Variants in RGS6 observed in about 807,000 individuals in gnomAD.
RGS6 encodes the protein regulator of G-protein signaling 6.
In RGS6, 30 loss-of-function variants were observed where a neutral mutation model predicts 78.5. That is an observed-to-expected ratio of 0.38 (90% CI 0.29 to 0.52). RGS6 has a LOEUF of 0.52. RGS6 is among the 20% of genes least tolerant of loss of function. The pLI, the probability that RGS6 is intolerant of heterozygous loss-of-function variation, is 0.85. For missense variants in RGS6, 495 were observed against 609.7 expected (o/e 0.81, Z 1.98); for synonymous variants, 206 against 206.0 (o/e 1.00, Z 0.00).
chr14:72,412,999 A>G (rs887384708), intron 3 of RGS6, among the ~76,000 whole-genome samples: 1 of 152,176 alleles, frequency 6.6e-6, no homozygotes, highest in African/African-American at 2.4e-5. Context: ...TATGTGGTCA[A>G]TTTTGAAATA....
chr14:72,230,122 G>A (rs2049181831), intron 2 of RGS6, among the ~76,000 whole-genome samples: 1 of 152,220 alleles, frequency 6.6e-6, no homozygotes, highest in Admixed American at 6.5e-5. Flanking sequence ...AGGGAAGAAA[G>A]AGTTTTTCAA....
At chr14:72,227,850 G>T (rs2048496013) in intron 2 of RGS6, among the ~76,000 whole-genome samples, 1 of 152,152 alleles carries the variant, frequency 6.6e-6, no homozygotes, top group African/African-American at 2.4e-5. Context: ...ATGTTTGGGG[G>T]TCCCAGAGCA....
At chr14:72,504,328 C>T (rs1018453298) in intron 13 of RGS6, among the ~76,000 whole-genome samples, 3 of 152,160 alleles carry the variant, frequency 2.0e-5, no homozygotes, top group African/African-American at 4.8e-5. Context: ...CTTTAAGTCA[C>T]GTTTTACTAT....
intron 2 of RGS6, among the ~76,000 whole-genome samples, chr14:72,247,268 TAG>T (rs1291069665): frequency 2.6e-5 from 4 of 152,194 alleles, no homozygotes; most frequent in Non-Finnish European, 5.9e-5. Context: ...AAGTTGGGGT[TAG>T]CCTTATATTT....
Position 72,476,788 on chromosome 14 carries a change from A to G in RGS6, c.740A>G (p.His247Arg). The change falls in exon 11 of 18, where the codon CAT (histidine) becomes CGT (arginine). Residue 247 changes from histidine to arginine, a missense_variant. His to Arg is a conservative substitution (Grantham distance 29, BLOSUM62 0). Transcript: ENST00000553525. ...TEESQAQSPV[H>R]VLSQPIRKTT... The stretch of plus-strand genomic sequence containing the variant: ...GAGTCCCAGGCACAGAGCCCGGTGC[A>G]TGTACTCAGCCAACCAATCAGGAAA... 2 of 1,614,202 alleles carry G rather than the reference A, an allele frequency of 1.2e-6. No individual in the cohort carries two copies. The highest frequency in any genetic ancestry group is 1.1e-5 in the South Asian group (1 of 91,074).
intron 12 of RGS6, among the ~76,000 whole-genome samples, chr14:72,491,995 C>T (rs189017315): frequency 2.0e-4 from 30 of 152,274 alleles, no homozygotes; most frequent in Admixed American, 1.8e-3. Flanking sequence ...GCCACATACG[C>T]TCAGATCTCA....
At chr14:71,961,438 C>T (rs2093190777) in intron 1 of RGS6, among the ~76,000 whole-genome samples, 2 of 152,128 alleles carry the variant, frequency 1.3e-5, no homozygotes, top group Admixed American at 1.3e-4. Context: ...GATACCAGGA[C>T]TCCTAGTTCA....
chr14:72,283,664 A>G (rs1239265420), intron 2 of RGS6, among the ~76,000 whole-genome samples: 1 of 152,154 alleles, frequency 6.6e-6, no homozygotes, highest in Non-Finnish European at 1.5e-5. Context: ...TTTATAAATT[A>G]CCCAGTCTCA....
chr14:72,415,625 G>C (rs139912473), intron 3 of RGS6, among the ~76,000 whole-genome samples: 1 of 152,180 alleles, frequency 6.6e-6, no homozygotes, highest in Non-Finnish European at 1.5e-5. Flanking sequence ...CATCTTCTGC[G>C]CTGGTCATGC....
intron 15 of RGS6, among the ~76,000 whole-genome samples, chr14:72,526,886 C>A (rs1245977035): frequency 6.6e-6 from 1 of 152,234 alleles, no homozygotes; most frequent in Non-Finnish European, 1.5e-5. Context: ...CCTGCAAGAA[C>A]CGTGCTGAAG....
intron 2 of RGS6, among the ~76,000 whole-genome samples, chr14:72,193,582 G>A (rs558551982): frequency 1.3e-5 from 2 of 152,254 alleles, no homozygotes; most frequent in South Asian, 2.1e-4. Flanking sequence ...TGAGAGAAAC[G>A]GTCAATGAAT....
chr14:72,027,419 G>A (rs1478623936), intron 2 of RGS6, among the ~76,000 whole-genome samples: 2 of 152,126 alleles, frequency 1.3e-5, no homozygotes, highest in African/African-American at 4.8e-5. Context: ...CAAAGATCCT[G>A]TAGATCTAGA....
intron 2 of RGS6, among the ~76,000 whole-genome samples, chr14:72,187,230 A>G (rs1163783204): frequency 6.6e-6 from 1 of 152,228 alleles, no homozygotes; most frequent in Non-Finnish European, 1.5e-5. Flanking sequence ...GCCTTATAGG[A>G]TATTGCTGAA....
chr14:72,449,864 C>T (rs2153224720), intron 3 of RGS6, among the ~76,000 whole-genome samples: 1 of 152,332 alleles, frequency 6.6e-6, no homozygotes, highest in East Asian at 1.9e-4. Flanking sequence ...TTTGAGTCTC[C>T]TGGCCCTTTC....
intron 2 of RGS6, among the ~76,000 whole-genome samples, chr14:71,980,840 A>T (rs1163549507): frequency 1.0e-5 from 1 of 96,744 alleles, no homozygotes; most frequent in African/African-American, 3.8e-5. Context: ...TCTCCTGGAT[A>T]ATATCCTGCA....
intron 17 of RGS6, among the ~76,000 whole-genome samples, chr14:72,554,492 C>A (rs1258432209): frequency 6.6e-6 from 1 of 152,220 alleles, no homozygotes; most frequent in Non-Finnish European, 1.5e-5. Flanking sequence ...AGCAACACAG[C>A]CATGTCCCTG....
intron 2 of RGS6, among the ~76,000 whole-genome samples, chr14:72,142,702 A>G (rs2096556689): frequency 6.6e-6 from 1 of 152,176 alleles, no homozygotes; most frequent in African/African-American, 2.4e-5. Flanking sequence ...AACCTAGTCC[A>G]TGTTTTGTTC....
intron 2 of RGS6, among the ~76,000 whole-genome samples, chr14:72,303,557 G>A (rs988798378): frequency 6.6e-6 from 1 of 152,114 alleles, no homozygotes; most frequent in Non-Finnish European, 1.5e-5. Flanking sequence ...ATTCCCCCAT[G>A]AGTTTCTGAC....
chr14:72,294,684 C>A (rs1192889681), intron 2 of RGS6, among the ~76,000 whole-genome samples: 1 of 152,060 alleles, frequency 6.6e-6, no homozygotes, highest in Non-Finnish European at 1.5e-5. Context: ...AGGAGCAGCA[C>A]TTCACATGGC....
Sources: gnomAD v4.1 joint callset for allele counts (sites outside exome capture counted in the v4.1 genomes callset) on GRCh38, gnomAD v4.1.1 for gene constraint, MANE v1.5 for transcripts, NCBI Gene and HGNC (gene_info 2026-07-23, HGNC 2026-07-21) for gene names.